HECA: variants seen among roughly 807,000 people sequenced by gnomAD.
HECA encodes headcase protein homolog.
Under a neutral mutation model 37.6 loss-of-function variants are expected in HECA, and 13 were observed. The ratio of observed to expected loss-of-function variants is 0.35; its 90% confidence interval spans 0.23 to 0.55. The LOEUF is 0.55. Ranked by LOEUF, HECA falls within the 20% of genes least tolerant of loss-of-function variation. HECA has a pLI of 0.90. For missense variants in HECA, 527 were observed against 701.9 expected (o/e 0.75, Z 2.82); for synonymous variants, 307 against 291.5 (o/e 1.05, Z -0.54).
At chr6:139,173,810 A>T (rs1775010183) in intron 2 of HECA, among the ~76,000 whole-genome samples, 1 of 152,244 alleles carries the variant, frequency 6.6e-6, no homozygotes, top group Non-Finnish European at 1.5e-5. Context: ...CTTCTTTTAA[A>T]AAATTACGAG....
In HECA at chr6:139,176,918, C is replaced by A. The variant is rs1209979420; in HGVS notation, c.1468-23C>A. On this transcript the variant is annotated intron_variant, in intron 3 of 3. Coordinates refer to ENST00000367658, the MANE Select transcript of HECA (RefSeq NM_016217.3). The surrounding 1 kb of genome is among the most constrained non-coding windows in gnomAD (Gnocchi z 4.5). Reference sequence around the variant, plus strand: ...GTTGGGAAGTGGAGGGGTGTTGTGGCTGATGGTGTCTGTTTCCCCCAGGCC... The same window carrying A: ...GTTGGGAAGTGGAGGGGTGTTGTGGATGATGGTGTCTGTTTCCCCCAGGCC... The A allele has an allele frequency of 4.7e-6, 4 of 859,818 alleles. No individual in the cohort carries two copies. The highest frequency in any genetic ancestry group is 8.1e-6 in the Non-Finnish European group (4 of 491,880). The allele number at this position is 859,818 out of a possible 1,614,324, so 53.3% of individuals were successfully genotyped here.
intron 3 of HECA, among the ~76,000 whole-genome samples, chr6:139,175,676 G>C (rs1229940746): frequency 6.6e-6 from 1 of 152,144 alleles, no homozygotes; most frequent in East Asian, 1.9e-4. Context: ...ACAAACTTGG[G>C]ATGTTTTACC....
chr6:139,139,141 T>A (rs1774484947), intron 1 of HECA, among the ~76,000 whole-genome samples: 1 of 152,246 alleles, frequency 6.6e-6, no homozygotes, highest in African/African-American at 2.4e-5. Context: ...CTAGAACCCG[T>A]GGGCAGCAGA....
Position 139,135,539 on chromosome 6 carries a change from C to T in HECA, c.143C>T (p.Ala48Val), listed in dbSNP as rs1303152606. ...AAAGGALAAA[A>V]GCGAAAAGAP... Reference sequence around the variant, plus strand: ...GCCGGGGGGGCCCTGGCGGCGGCGGCCGGTTGCGGGGCGGCGGCGGCGGGC... The same window carrying T: ...GCCGGGGGGGCCCTGGCGGCGGCGGTCGGTTGCGGGGCGGCGGCGGCGGGC... Residue 48 changes from alanine to valine, a missense_variant, in exon 1 of 4, where the codon GCC becomes GTC. Around this residue, in one of 4 missense-constraint regions of HECA, gnomAD observed 172 missense variants for 197.6 expected, o/e 0.87. Coordinates refer to ENST00000367658, the MANE Select transcript of HECA (RefSeq NM_016217.3). The T allele has an allele frequency of 2.0e-6, 2 of 979,406 alleles. No homozygotes were observed. The highest frequency in any genetic ancestry group is 5.2e-4 in the Middle Eastern group (1 of 1,926). 60.7% of individuals were successfully genotyped at this position (979,406 alleles called of 1,614,324 possible).
chr6:139,162,896 G>A (rs1291765022), intron 1 of HECA, among the ~76,000 whole-genome samples: 5 of 152,092 alleles, frequency 3.3e-5, no homozygotes, highest in Admixed American at 2.0e-4. Flanking sequence ...CATGAACATG[G>A]TGTTAAGGCT....
rs1775051058 is a variant in HECA, at chr6:139,176,267, G to C, written c.1468-674G>C. ...CCTCAGTTGCATTATCTAAAAGTCA[G>C]CTAATACTACCTACCTCCCAGGAGT... On this transcript the variant is annotated intron_variant, in intron 3 of 3. Transcript: ENST00000367658. The surrounding 1 kb of genome is among the most constrained non-coding windows in gnomAD (Gnocchi z 4.5). Among the ~76,000 whole-genome samples the C allele has an allele frequency of 6.6e-6, 1 of 152,166 alleles. No individual in the cohort carries two copies. Among genetic ancestry groups the C allele is most frequent in the Non-Finnish European group, 1.5e-5 (1 of 68,028 alleles).
At chr6:139,174,265 A>G (rs1012340449) in intron 2 of HECA, 120 bp from the exon 3 acceptor site, 7 of 1,177,810 alleles carry the variant, frequency 5.9e-6, no homozygotes, top group Non-Finnish European at 4.7e-6. Context: ...TTTTCTTTTT[A>G]TATTTATCCA....
At position 139,177,111 on chromosome 6, in the gene HECA, G is replaced by A. The variant is rs775797630; in HGVS notation, c.*6G>A. On this transcript the variant is annotated 3_prime_UTR_variant, in exon 4 of 4. Coordinates refer to ENST00000367658, the MANE Select transcript of HECA (RefSeq NM_016217.3). The surrounding 1 kb of genome is among the most constrained non-coding windows in gnomAD (Gnocchi z 4.9). ...AAGTTCTCGAAGCTTATTGATGAAA[G>A]CTTTGCTTTAGTAATAGCTATTTTA... 2.4e-6 allele frequency: 2 copies of A among 840,954 alleles called. No homozygotes were observed. Among genetic ancestry groups the A allele is most frequent in the Admixed American group, 1.7e-5 (1 of 58,562 alleles). The allele number at this position is 840,954 out of a possible 1,614,324, so 52.1% of individuals were successfully genotyped here.
intron 1 of HECA, among the ~76,000 whole-genome samples, chr6:139,162,736 C>T (rs1041421859): frequency 2.6e-5 from 4 of 152,188 alleles, no homozygotes; most frequent in African/African-American, 9.7e-5. Flanking sequence ...TGCCACCACC[C>T]TCTGCTGATT....
intron 1 of HECA, among the ~76,000 whole-genome samples, chr6:139,154,973 C>G (rs751430916): frequency 1.3e-5 from 2 of 152,176 alleles, no homozygotes; most frequent in African/African-American, 2.4e-5. Context: ...TGTTTAACAA[C>G]TGGTTGGACA....
chr6:139,138,363 A>G (rs1485464093), intron 1 of HECA, among the ~76,000 whole-genome samples: 1 of 152,230 alleles, frequency 6.6e-6, no homozygotes, highest in Non-Finnish European at 1.5e-5. Flanking sequence ...GTAATTACAG[A>G]AATTACAAAT....
chr6:139,136,881 G>A (rs1448054717), intron 1 of HECA, among the ~76,000 whole-genome samples: 3 of 152,018 alleles, frequency 2.0e-5, no homozygotes, highest in Non-Finnish European at 2.9e-5. Flanking sequence ...TGATCCGCCC[G>A]TCTCGGCCTC....
chr6:139,166,752 G>A lies in HECA; in HGVS notation c.740G>A (p.Arg247Gln), dbSNP rs767312064. Residue 247 changes from arginine to glutamine, a missense_variant, in exon 2 of 4, where the codon CGG (arginine) becomes CAG (glutamine). By Grantham distance (43) the Arg-to-Gln change is conservative. Transcript: ENST00000367658. The stretch of plus-strand genomic sequence containing the variant: ...CTCCCCCGCCGGCATTCCATGGACC[G>A]GCAGAACTCCCAGGAGAAGGCAGTG... ...HDLPRRHSMDRQNSQEKAVGA... is the reference protein window; with the variant it reads ...HDLPRRHSMDQQNSQEKAVGA... 32 of 1,613,552 alleles carry A rather than the reference G, an allele frequency of 2.0e-5. No homozygotes were observed. Among genetic ancestry groups the A allele is most frequent in the Admixed American group, 1.7e-4 (10 of 59,934 alleles).
intron 1 of HECA, among the ~76,000 whole-genome samples, chr6:139,142,892 G>C (rs898182992): frequency 1.3e-5 from 2 of 152,204 alleles, no homozygotes; most frequent in Non-Finnish European, 2.9e-5. Context: ...AGGTTGCAGT[G>C]AGCTGAGATC....
Position 139,135,653 on chromosome 6 carries a change from G to C in HECA, c.257G>C (p.Gly86Ala), listed in dbSNP as rs1436217737. 8.1e-6 allele frequency: 8 copies of C among 981,746 alleles called. No individual in the cohort carries two copies. The highest frequency in any genetic ancestry group is 5.2e-4 in the Middle Eastern group (1 of 1,940). The allele number at this position is 981,746 out of a possible 1,614,324, so 60.8% of individuals were successfully genotyped here. Reference sequence around the variant, plus strand: ...GCCGCCGCGGGGGCTGCGGCCGCGGGCGATGCCAAAAACGGTAAGACGGGG... The same window carrying C: ...GCCGCCGCGGGGGCTGCGGCCGCGGCCGATGCCAAAAACGGTAAGACGGGG... ...AAAAAGAAAA[G>A]DAKNEAPCAT... Residue 86 changes from glycine (G) to alanine (A), a missense_variant, in exon 1 of 4, where the codon GGC becomes GCC. Physicochemically the swap from Gly to Ala is moderately conservative, Grantham distance 60. This residue lies in a region of HECA where 172 missense variants were observed against 197.6 expected (regional missense o/e 0.87). Transcript: ENST00000367658.
chr6:139,166,159 AC>A lies in HECA; in HGVS notation c.272-122del, dbSNP rs1773829125. 16 of 759,396 alleles carry A rather than the reference AC, an allele frequency of 2.1e-5. No homozygotes were observed. The South Asian group carries it at 3.0e-4, about 14-fold the overall frequency. 47.0% of individuals were successfully genotyped at this position (759,396 alleles called of 1,614,324 possible). On this transcript the variant is annotated intron_variant, in intron 1 of 3. Transcript: ENST00000367658. ...ACTGGAGTGATTCATCTTTAAAGGA[AC>A]CCTGGAACTGCCTTTCATTATATTC...
intron 1 of HECA, among the ~76,000 whole-genome samples, chr6:139,140,973 G>A (rs1037670651): frequency 1.3e-5 from 2 of 152,130 alleles, no homozygotes; most frequent in Admixed American, 6.5e-5. Context: ...TGTATTTTTA[G>A]TAGAGACAGG....
intron 1 of HECA, among the ~76,000 whole-genome samples, chr6:139,153,681 A>G (rs1281797551): frequency 6.6e-6 from 1 of 152,150 alleles, no homozygotes; most frequent in East Asian, 1.9e-4. Flanking sequence ...AGCCTCCCAA[A>G]GTGCTGGGAT....
At position 139,166,751 on chromosome 6, in the gene HECA, C is replaced by G; in HGVS notation, c.739C>G (p.Arg247Gly). Residue 247 changes from arginine to glycine, a missense_variant, in exon 2 of 4, where the codon CGG (arginine) becomes GGG (glycine). Physicochemically the swap from Arg to Gly is moderately radical, Grantham distance 125. Transcript: ENST00000367658. Reference protein sequence around the residue: ...HDLPRRHSMDRQNSQEKAVGA... With the variant: ...HDLPRRHSMDGQNSQEKAVGA... ...CCTCCCCCGCCGGCATTCCATGGAC[C>G]GGCAGAACTCCCAGGAGAAGGCAGT... 1 of 1,613,668 alleles carries G rather than the reference C, an allele frequency of 6.2e-7. No individual in the cohort carries two copies. Among genetic ancestry groups the G allele is most frequent in the Non-Finnish European group, 8.5e-7 (1 of 1,179,868 alleles).
Sources: gnomAD v4.1 joint callset for allele counts (sites outside exome capture counted in the v4.1 genomes callset) on GRCh38, gnomAD v4.1.1 for gene constraint, gnomAD v4.1.1 regional missense constraint, Gnocchi (gnomAD v3.1) non-coding constraint, MANE v1.5 for transcripts, NCBI Gene and HGNC (gene_info 2026-07-23, HGNC 2026-07-21) for gene names.